The following RORB variants were observed in gnomAD, a reference collection of about 807,000 sequenced individuals.
RORB encodes the protein RAR related orphan receptor B.
Under a neutral mutation model 59.1 loss-of-function variants are expected in RORB, and 6 were observed. The ratio of observed to expected loss-of-function variants is 0.10; its 90% CI spans 0.06 to 0.20. The LOEUF is 0.20. Among genes scored for constraint, RORB ranks in the 10% least tolerant of loss-of-function variants. The pLI is 1.00. For missense variants in RORB, 320 were observed against 560.5 expected (o/e 0.57, Z 4.33); for synonymous variants, 215 against 204.5 (o/e 1.05, Z -0.44).
intron 3 of RORB, among the ~76,000 whole-genome samples, chr9:74,638,860 A>T (rs1823746876): frequency 6.6e-6 from 1 of 152,200 alleles, no homozygotes; most frequent in South Asian, 2.1e-4. Flanking sequence ...TATTACAGTC[A>T]TTGTCAGTGA....
chr9:74,571,679 G>A (rs1013285643), intron 1 of RORB, among the ~76,000 whole-genome samples: 6 of 152,058 alleles, frequency 3.9e-5, no homozygotes, highest in South Asian at 2.1e-4. Context: ...TAAACTTTGA[G>A]GTTAATTTTT....
At chr9:74,662,715 C>T (rs1382544103) in intron 6 of RORB, 109 bp downstream of exon 6, 1 of 1,165,356 alleles carries the variant, frequency 8.6e-7, no homozygotes. Context: ...TCGTTTCTAC[C>T]ACCCACATTG....
At chr9:74,660,588 A>G in intron 4 of RORB, 29 bp from the exon 5 acceptor site, 1 of 1,588,994 alleles carries the variant, frequency 6.3e-7, no homozygotes, top group Admixed American at 1.8e-5. Context: ...TTTATTCACA[A>G]ACCTTTGAAT....
rs939726063 is a variant in RORB, at chr9:74,541,187, C to T, written c.7+43204C>T. On this transcript the variant is annotated intron_variant, in intron 1 of 9. Transcript: ENST00000376896. ...CTCAGCTACTCAGGAGGCTGAGGCA[C>T]GAAAATCACTTGAACCTTGGAGGTG... 6.3e-5 allele frequency among the ~76,000 whole-genome samples: 9 copies of T among 143,704 alleles called. No homozygotes were observed. The East Asian group carries it at 6.4e-4, about 10-fold the overall frequency. 94.3% of individuals were successfully genotyped at this position (143,704 alleles called of 152,430 possible).
chr9:74,530,670 C>T (rs571765199), intron 1 of RORB, among the ~76,000 whole-genome samples: 1 of 152,014 alleles, frequency 6.6e-6, no homozygotes, highest in Non-Finnish European at 1.5e-5. Flanking sequence ...CTCAAGGTGG[C>T]GTTGTTTCTA....
intron 1 of RORB, among the ~76,000 whole-genome samples, chr9:74,560,235 G>A (rs1822375476): frequency 6.6e-6 from 1 of 152,158 alleles, no homozygotes; most frequent in South Asian, 2.1e-4. Context: ...TTAGTCTACA[G>A]AGTTCATGTT....
At chr9:74,506,970 T>A (rs756933974) in intron 1 of RORB, among the ~76,000 whole-genome samples, 31 of 152,062 alleles carry the variant, frequency 2.0e-4, no homozygotes, top group Admixed American at 2.6e-4. Flanking sequence ...TTTCTTGAGG[T>A]TTTTCCAAAA....
intron 1 of RORB, among the ~76,000 whole-genome samples, chr9:74,593,402 G>C (rs922422902): frequency 1.3e-5 from 2 of 149,336 alleles, no homozygotes; most frequent in African/African-American, 4.9e-5. Context: ...GGAGGTGGAG[G>C]TTGCAGTAAG....
chr9:74,579,712 A>C (rs1822692476), intron 1 of RORB, among the ~76,000 whole-genome samples: 1 of 152,302 alleles, frequency 6.6e-6, no homozygotes, highest in East Asian at 1.9e-4. Context: ...AAGCCCCAGC[A>C]ATACGAAATG....
At chr9:74,531,781 G>A (rs1299744913) in intron 1 of RORB, among the ~76,000 whole-genome samples, 1 of 151,816 alleles carries the variant, frequency 6.6e-6, no homozygotes, top group Admixed American at 6.6e-5. Flanking sequence ...CACTCCCCTA[G>A]TAAATTTTGA....
chr9:74,616,383 C>G (rs1198060579), intron 1 of RORB, among the ~76,000 whole-genome samples: 1 of 152,096 alleles, frequency 6.6e-6, no homozygotes, highest in African/African-American at 2.4e-5. Context: ...CCTGATCAAA[C>G]TAAACTCCTT....
chr9:74,586,101 A>G (rs2118271318), intron 1 of RORB, among the ~76,000 whole-genome samples: 1 of 152,174 alleles, frequency 6.6e-6, no homozygotes, highest in Non-Finnish European at 1.5e-5. Context: ...GCCTCACAGG[A>G]CATATTTAAA....
At chr9:74,678,893 A>G (rs182896962) in intron 9 of RORB, among the ~76,000 whole-genome samples, 1 of 152,044 alleles carries the variant, frequency 6.6e-6, no homozygotes, top group East Asian at 1.9e-4. Context: ...TTGTCCCGGC[A>G]TGGTGGCAAG....
chr9:74,665,105 T>C (rs1433656925), intron 6 of RORB, among the ~76,000 whole-genome samples: 3 of 152,166 alleles, frequency 2.0e-5, no homozygotes, highest in Non-Finnish European at 2.9e-5. Flanking sequence ...AGCTTTAATA[T>C]TAGTGGAAAA....
chr9:74,532,726 C>T (rs1354609999), intron 1 of RORB, among the ~76,000 whole-genome samples: 1 of 148,872 alleles, frequency 6.7e-6, no homozygotes, highest in African/African-American at 2.5e-5. Flanking sequence ...ATGTGTGTTA[C>T]ATATGTTTAT....
chr9:74,683,330 C>T (rs536068472), intron 9 of RORB, among the ~76,000 whole-genome samples: 13 of 152,262 alleles, frequency 8.5e-5, no homozygotes, highest in African/African-American at 2.9e-4. Flanking sequence ...ATTTCCCAAG[C>T]GACTCCAGTT....
chr9:74,566,246 A>AT (rs946074585), intron 1 of RORB, among the ~76,000 whole-genome samples: 42 of 152,014 alleles, frequency 2.8e-4, no homozygotes, highest in African/African-American at 1.0e-3. Context: ...ACAGCAATTC[A>AT]TTTTTTTCTG....
chr9:74,680,037 A>T (rs543947444), intron 9 of RORB, among the ~76,000 whole-genome samples: 1 of 152,274 alleles, frequency 6.6e-6, no homozygotes, highest in East Asian at 1.9e-4. Context: ...CGGGAGGTGG[A>T]AGTTGCAGTG....
At chr9:74,516,583 A>G (rs888218908) in intron 1 of RORB, among the ~76,000 whole-genome samples, 20 of 152,028 alleles carry the variant, frequency 1.3e-4, no homozygotes, top group African/African-American at 4.8e-4. Context: ...CCTGTGTTTA[A>G]AACTTGCCTC....
Sources: allele counts gnomAD v4.1 joint callset (sites outside exome capture counted in the v4.1 genomes callset), GRCh38; gene constraint gnomAD v4.1.1; transcripts MANE v1.5; gene names NCBI Gene and HGNC (gene_info 2026-07-23, HGNC 2026-07-21).